RNF212B: variants seen among roughly 807,000 people sequenced by gnomAD.
RNF212B encodes the protein E3 ubiquitin-protein ligase RNF212B.
RNF212B carries 52 observed loss-of-function variants against 55.5 expected under a neutral mutation model. The ratio of observed to expected loss-of-function variants is 0.94; its 90% confidence interval spans 0.75 to 1.18. The LOEUF is 1.18. RNF212B is among the 50% of genes most tolerant of loss of function. The pLI, the probability that RNF212B is intolerant of heterozygous loss-of-function variation, is 0.00. For missense variants in RNF212B, 289 were observed against 350.4 expected, an observed-to-expected ratio of 0.82 and a Z score of 1.40; for synonymous variants, 99 against 121.4, an observed-to-expected ratio of 0.82 and a Z score of 1.21.
At chr14:23,250,177 T>A (rs1884298177) in intron 4 of RNF212B, among the ~76,000 whole-genome samples, 1 of 152,176 alleles carries the variant, frequency 6.6e-6, no homozygotes, top group Non-Finnish European at 1.5e-5. Flanking sequence ...GCCTGATTTC[T>A]ACACTTTAAA....
intron 2 of RNF212B, among the ~76,000 whole-genome samples, chr14:23,225,994 A>T (rs1373786362): frequency 2.6e-5 from 4 of 152,130 alleles, no homozygotes; most frequent in African/African-American, 4.8e-5. Flanking sequence ...AAAATGAAAA[A>T]TTTTTTAAAA....
intron 2 of RNF212B, among the ~76,000 whole-genome samples, chr14:23,217,257 G>GGT (rs1555312328): frequency 4.8e-5 from 1 of 20,826 alleles, no homozygotes; most frequent in African/African-American, 1.4e-4. Context: ...GGCAGTGGTG[G>GGT]GGGGGGGGCT....
rs10141797 is a variant in RNF212B at position 23,272,227 on chromosome 14, C to T, written c.835-596C>T. Among the ~76,000 whole-genome samples the T allele has an allele frequency of 7.0e-3, 1,069 of 152,124 alleles. 12 individuals are homozygous for T. The highest frequency in any genetic ancestry group is 0.024 in the African/African-American group (1,009 of 41,480). ...GGTCAGGAGATCGAGACCATCCTGG[C>T]TAACATGGTGAAACCCCGTCTATAC... On this transcript the variant is annotated intron_variant, in intron 14 of 14. Transcript: ENST00000430154.
intron 2 of RNF212B, among the ~76,000 whole-genome samples, chr14:23,223,022 C>A (rs1447824864): frequency 6.9e-6 from 1 of 145,884 alleles, no homozygotes; most frequent in African/African-American, 2.5e-5. Flanking sequence ...CCATTGAACT[C>A]CAGCTTGGGC....
chr14:23,208,259 C>T (rs1880047319), intron 2 of RNF212B, among the ~76,000 whole-genome samples: 1 of 152,174 alleles, frequency 6.6e-6, no homozygotes, highest in Non-Finnish European at 1.5e-5. Context: ...TGGTGGCTCA[C>T]ACTTGTAATT....
chr14:23,255,245 CTG>C (rs1420067621), intron 4 of RNF212B, among the ~76,000 whole-genome samples: 2 of 152,310 alleles, frequency 1.3e-5, no homozygotes, highest in East Asian at 3.9e-4. Context: ...AACACTCATT[CTG>C]TGTTTTAGAA....
At chr14:23,258,283 A>C (rs1884999465) in intron 4 of RNF212B, among the ~76,000 whole-genome samples, 1 of 148,956 alleles carries the variant, frequency 6.7e-6, no homozygotes, top group Non-Finnish European at 1.5e-5. Context: ...GGTTACGGTG[A>C]GCCGAGATCG....
chr14:23,242,435 G>A (rs1883668843), intron 2 of RNF212B, among the ~76,000 whole-genome samples: 1 of 152,204 alleles, frequency 6.6e-6, no homozygotes, highest in Admixed American at 6.5e-5. Flanking sequence ...GAGTAGCAGA[G>A]CTTCAAAGCA....
intron 2 of RNF212B, among the ~76,000 whole-genome samples, chr14:23,202,849 C>CA (rs796329912): frequency 0.084 from 5,313 of 63,036 alleles, 227 homozygotes; most frequent in African/African-American, 0.17. Flanking sequence ...GACCCTGTCT[C>CA]AAAAAAAAAA....
chr14:23,195,195 A>G (rs1259458766), intron 2 of RNF212B, among the ~76,000 whole-genome samples: 2 of 151,834 alleles, frequency 1.3e-5, no homozygotes, highest in African/African-American at 4.8e-5. Context: ...TGGGAGGCTG[A>G]GGTGGAAGGA....
At chr14:23,263,128 T>G (rs760949803) in intron 9 of RNF212B, among the ~76,000 whole-genome samples, 158 bp downstream of exon 9, 15 of 152,138 alleles carry the variant, frequency 9.9e-5, no homozygotes, top group Non-Finnish European at 7.4e-5. Flanking sequence ...TATCCAGCTT[T>G]ATTAAAGATA....
chr14:23,258,793 A>G, intron 5 of RNF212B, 129 bp downstream of exon 5: 2 of 451,048 alleles, frequency 4.4e-6, no homozygotes, highest in Non-Finnish European at 7.7e-6. Flanking sequence ...AAAATCAGGT[A>G]CAGAATTTTT....
intron 4 of RNF212B, among the ~76,000 whole-genome samples, chr14:23,245,311 C>T (rs1883907419): frequency 6.6e-6 from 1 of 152,038 alleles, no homozygotes; most frequent in African/African-American, 2.4e-5. Flanking sequence ...CTTGGTTGAG[C>T]CATCATATTT....
intron 2 of RNF212B, among the ~76,000 whole-genome samples, chr14:23,216,048 A>G (rs1329271108): frequency 6.8e-6 from 1 of 146,038 alleles, no homozygotes; most frequent in Non-Finnish European, 1.5e-5. Context: ...GATCGAGACC[A>G]TCCTGGCTAA....
At chr14:23,238,211 C>T (rs994567625) in intron 1 of RNF212B, among the ~76,000 whole-genome samples, 156 bp downstream of exon 1, 1 of 152,074 alleles carries the variant, frequency 6.6e-6, no homozygotes, top group African/African-American at 2.4e-5. Flanking sequence ...CAGGGGATGA[C>T]ATTGTTGCTG....
At chr14:23,195,568 C>T (rs181272216) in intron 2 of RNF212B, among the ~76,000 whole-genome samples, 1 of 152,236 alleles carries the variant, frequency 6.6e-6, no homozygotes, top group East Asian at 1.9e-4. Context: ...CTAATTCTCC[C>T]CTACTTCATG....
chr14:23,241,123 A>T (rs1194077222), intron 2 of RNF212B, among the ~76,000 whole-genome samples: 1 of 152,120 alleles, frequency 6.6e-6, no homozygotes, highest in Non-Finnish European at 1.5e-5. Context: ...ATCACGGAAG[A>T]CTTCACAGAA....
At chr14:23,231,590 G>T (rs1335209122) in intron 2 of RNF212B, among the ~76,000 whole-genome samples, 1 of 152,040 alleles carries the variant, frequency 6.6e-6, no homozygotes, top group Non-Finnish European at 1.5e-5. Context: ...TAGAAGAAAA[G>T]ATAAGAATAT....
rs956501851 is a variant in RNF212B, at chr14:23,269,711, C to CA, written c.675-139dup. Among the ~76,000 whole-genome samples the CA allele has an allele frequency of 7.0e-3, 888 of 127,438 alleles. 6 individuals are homozygous for CA. Among genetic ancestry groups the CA allele is most frequent in the African/African-American group, 0.015 (491 of 32,862 alleles). The allele number at this position is 127,438 out of a possible 152,430, so 83.6% of individuals were successfully genotyped here. A position where few individuals can be genotyped will look rare whatever the true frequency, so the allele number is the denominator to read the frequency against. On this transcript the variant is annotated intron_variant, in intron 12 of 14. Transcript: ENST00000430154. ...TGGGCAACAGAGTGAGACCCTGTCT[C>CA]AAAAAAAAAAAAAGAAAAAATTATC...
Sources: gnomAD v4.1 joint callset for allele counts (sites outside exome capture counted in the v4.1 genomes callset) on GRCh38, gnomAD v4.1.1 for gene constraint, MANE v1.5 for transcripts, NCBI Gene and HGNC (gene_info 2026-07-23, HGNC 2026-07-21) for gene names.